Variants in TNRC18 observed in about 807,000 individuals in gnomAD.
TNRC18 encodes trinucleotide repeat-containing gene 18 protein.
A neutral mutation model predicts 226.7 loss-of-function variants in TNRC18; 69 were observed. The observed-to-expected ratio is 0.30, with a 90% CI of 0.25 to 0.37. TNRC18 has a LOEUF of 0.37. Among genes scored for constraint, TNRC18 ranks in the 10% least tolerant of loss-of-function variants. TNRC18 has a pLI of 1.00. For missense variants in TNRC18, 4,754 were observed against 4,256.6 expected, an observed-to-expected ratio of 1.12 and a Z score of -3.25; for synonymous variants, 2,449 against 1,927.6, an observed-to-expected ratio of 1.27 and a Z score of -7.09.
chr7:5,348,773 G>A (rs1283768481), intron 17 of TNRC18, among the ~76,000 whole-genome samples: 7 of 152,122 alleles, frequency 4.6e-5, no homozygotes, highest in Non-Finnish European at 1.0e-4. Flanking sequence ...AGCCAGGCAG[G>A]CGGGGGCAGG....
At chr7:5,375,959 C>T in intron 9 of TNRC18, 75 bp downstream of exon 9, 1 of 1,410,568 alleles carries the variant, frequency 7.1e-7, no homozygotes, top group Non-Finnish European at 9.6e-7. Flanking sequence ...TCTGGAGATT[C>T]TGCTGGCTGA....
chr7:5,407,758 T>G (rs1365009094), intron 2 of TNRC18, among the ~76,000 whole-genome samples: 1 of 152,222 alleles, frequency 6.6e-6, no homozygotes, highest in Non-Finnish European at 1.5e-5. Flanking sequence ...CTCCAGACTT[T>G]GTCAATTCTC....
At chr7:5,328,698 G>A (rs570653274) in intron 19 of TNRC18, among the ~76,000 whole-genome samples, 1 of 151,930 alleles carries the variant, frequency 6.6e-6, no homozygotes. Context: ...TTTTAGTAGA[G>A]GCGGGGTTTC....
In TNRC18 at chr7:5,389,010, T is replaced by G. The variant is rs1294142763; in HGVS notation, c.814A>C (p.Lys272Gln). Residue 272 changes from lysine (K) to glutamine (Q), a missense_variant, in exon 5 of 30, where the codon AAG becomes CAG. Lys to Gln is a moderately conservative substitution (Grantham distance 53). Transcript: ENST00000430969. The stretch of plus-strand genomic sequence containing the variant: ...ACCGACGGCTGCAGCGCCGCATTCT[T>G]GGTCTTGGACTCAGCCAGGAAGGGC... ...LSPFLAESKT[K>Q]NAALQPSVLT... 5 of 1,352,706 alleles carry G rather than the reference T, an allele frequency of 3.7e-6. No individual in the cohort carries two copies. The Admixed American group carries it at 1.6e-4, about 43-fold the overall frequency. The allele number at this position is 1,352,706 out of a possible 1,614,324, so 83.8% of individuals were successfully genotyped here. A position where few individuals can be genotyped will look rare whatever the true frequency, so the allele number is the denominator to read the frequency against.
At chr7:5,409,922 T>A (rs1294978640) in intron 2 of TNRC18, among the ~76,000 whole-genome samples, 1 of 111,852 alleles carries the variant, frequency 8.9e-6, no homozygotes, top group Non-Finnish European at 1.8e-5. Flanking sequence ...ACCCGGGAGG[T>A]GGAGCTTGCA....
At chr7:5,410,860 C>CAAAAAAA (rs34320785) in intron 2 of TNRC18, among the ~76,000 whole-genome samples, 5 of 37,160 alleles carry the variant, frequency 1.3e-4, no homozygotes, top group South Asian at 1.4e-3. Context: ...GACTCCATCT[C>CAAAAAAA]AAAAAAAAAA....
At chr7:5,398,968 C>T (rs1780893205) in intron 2 of TNRC18, among the ~76,000 whole-genome samples, 1 of 152,142 alleles carries the variant, frequency 6.6e-6, no homozygotes, top group Non-Finnish European at 1.5e-5. Context: ...CAAAGAGATA[C>T]ACATTAGGGT....
At position 5,321,116 on chromosome 7, in the gene TNRC18, G is replaced by A. The variant is rs1252646684; in HGVS notation, c.6517C>T (p.Leu2173=). Residue 2173 remains leucine, a synonymous_variant, in exon 22 of 30, where the codon CTG becomes TTG. Transcript: ENST00000430969. ...LRVLIPMDDK[L]LYAGHVQTVH... is the part of the protein sequence containing the mutation. The stretch of plus-strand genomic sequence containing the variant: ...GTCTGCACGTGCCCGGCGTACAGCA[G>A]CTTGTCATCCATGGGGATGAGCACA... 6.4e-7 allele frequency: 1 copy of A among 1,555,828 alleles called. No individual in the cohort carries two copies. The highest frequency in any genetic ancestry group is 1.9e-5 in the Admixed American group (1 of 51,842).
Position 5,377,288 on chromosome 7 carries a change from G to C in TNRC18, c.2461+83C>G, listed in dbSNP as rs1779050830. On this transcript the variant is annotated intron_variant, in intron 7 of 29. Coordinates refer to ENST00000430969, the MANE Select transcript of TNRC18 (RefSeq NM_001080495.3). The surrounding 1 kb of genome is among the most constrained non-coding windows in gnomAD (Gnocchi z 5.8). Reference sequence around the variant, plus strand: ...GCCCCCCAGGAAACGGCAGGCAGGAGCCAGCCCTGAGCTCTTGTCCTGCAC... The same window carrying C: ...GCCCCCCAGGAAACGGCAGGCAGGACCCAGCCCTGAGCTCTTGTCCTGCAC... 1.5e-6 allele frequency: 2 copies of C among 1,374,482 alleles called. No individual in the cohort carries two copies. Among genetic ancestry groups the C allele is most frequent in the Non-Finnish European group, 1.9e-6 (2 of 1,030,302 alleles). The allele number at this position is 1,374,482 out of a possible 1,614,324, so 85.1% of individuals were successfully genotyped here. A position where few individuals can be genotyped will look rare whatever the true frequency, so the allele number is the denominator to read the frequency against.
chr7:5,311,996 C>A (rs1326184220), intron 27 of TNRC18, among the ~76,000 whole-genome samples: 1 of 152,014 alleles, frequency 6.6e-6, no homozygotes, highest in Non-Finnish European at 1.5e-5. Context: ...ATTAGCCAGG[C>A]GTGGTGGCGT....
At chr7:5,393,896 T>TG (rs753144585) in intron 3 of TNRC18, among the ~76,000 whole-genome samples, 5 of 151,878 alleles carry the variant, frequency 3.3e-5, no homozygotes, top group African/African-American at 9.7e-5. Context: ...TTTGTGGAGA[T>TG]GGGGTCTTGC....
chr7:5,374,629 G>T, intron 9 of TNRC18, 145 bp from the exon 10 acceptor site: 1 of 785,326 alleles, frequency 1.3e-6, no homozygotes, highest in Admixed American at 3.2e-5. Context: ...CCCCGTCCCA[G>T]GCCAGAGACA....
chr7:5,411,443 G>C (rs1188351001), intron 2 of TNRC18, among the ~76,000 whole-genome samples: 1 of 150,494 alleles, frequency 6.6e-6, no homozygotes, highest in South Asian at 2.1e-4. Context: ...ACCTGAACCC[G>C]GGAGGCAGAG....
intron 2 of TNRC18, among the ~76,000 whole-genome samples, chr7:5,417,390 A>G (rs1562644981): frequency 6.6e-6 from 1 of 152,086 alleles, no homozygotes; most frequent in Non-Finnish European, 1.5e-5. Context: ...GGATGGACTC[A>G]GCCTGGGAGG....
Position 5,388,124 on chromosome 7 carries a change from C to A in TNRC18, c.1700G>T (p.Arg567Leu). The change falls in exon 5 of 30, where the codon CGG becomes CTG. Residue 567 changes from arginine to leucine, a missense_variant. Transcript: ENST00000430969. ...CGCAGAGTGCATGTCAGCGACCGGC[C>A]GGCCGCAGGTGGCCGCCGAGCGGGG... The part of the protein sequence containing the change: ...VLPRSAATCG[R>L]PVADMHSAAH... 6.4e-7 allele frequency: 1 copy of A among 1,554,978 alleles called. No homozygotes were observed. Among genetic ancestry groups the A allele is most frequent in the South Asian group, 1.2e-5 (1 of 84,774 alleles).
At chr7:5,342,948 G>A (rs191544510) in intron 18 of TNRC18, among the ~76,000 whole-genome samples, 1 of 152,140 alleles carries the variant, frequency 6.6e-6, no homozygotes, top group Non-Finnish European at 1.5e-5. Flanking sequence ...CATCAACATC[G>A]AGGCAAGACC....
In TNRC18 at chr7:5,357,231, C is replaced by G; in HGVS notation, c.4879G>C (p.Ala1627Pro). 6.2e-7 allele frequency: 1 copy of G among 1,612,554 alleles called. No individual in the cohort carries two copies. The highest frequency in any genetic ancestry group is 8.5e-7 in the Non-Finnish European group (1 of 1,179,422). The change falls in exon 16 of 30, where the codon GCA (alanine) becomes CCA (proline). Residue 1627 changes from alanine (A) to proline (P), a missense_variant. By Grantham distance (27) the Ala-to-Pro change is conservative. Coordinates refer to ENST00000430969, the MANE Select transcript of TNRC18 (RefSeq NM_001080495.3). Reference sequence around the variant, plus strand: ...GAGAGGGCCTTGTCGAGCTTGCTTGCCAACTGCTCCTGGTCGCTGGCCATC... The same window carrying G: ...GAGAGGGCCTTGTCGAGCTTGCTTGGCAACTGCTCCTGGTCGCTGGCCATC... ...KKMASDQEQL[A>P]SKLDKALSLT... is the part of the protein sequence containing the mutation.
intron 18 of TNRC18, among the ~76,000 whole-genome samples, chr7:5,337,177 G>A (rs540229778): frequency 1.5e-4 from 22 of 151,558 alleles, no homozygotes; most frequent in Non-Finnish European, 1.9e-4. Context: ...GATTAATGGC[G>A]AACTTCTCAT....
intron 2 of TNRC18, among the ~76,000 whole-genome samples, chr7:5,406,666 C>A (rs944353475): frequency 1.3e-5 from 2 of 151,902 alleles, no homozygotes; most frequent in Non-Finnish European, 2.9e-5. Flanking sequence ...GCCTGGCCAA[C>A]AGGGTGAAAC....
Sources: gnomAD v4.1 joint callset for allele counts (sites outside exome capture counted in the v4.1 genomes callset) on GRCh38, gnomAD v4.1.1 for gene constraint, Gnocchi (gnomAD v3.1) non-coding constraint, MANE v1.5 for transcripts, NCBI Gene and HGNC (gene_info 2026-07-23, HGNC 2026-07-21) for gene names.